FAM193B: variants seen among roughly 807,000 people sequenced by gnomAD.
FAM193B encodes the protein family with sequence similarity 193 member B.
FAM193B carries 27 observed loss-of-function variants against 70.7 expected under a neutral mutation model. The observed-to-expected ratio is 0.38, with a 90% CI of 0.28 to 0.53. FAM193B has a LOEUF of 0.53. Ranked by LOEUF, FAM193B falls within the 20% of genes least tolerant of loss-of-function variation. The pLI, the probability that FAM193B is intolerant of heterozygous loss-of-function variation, is 0.81. For synonymous variants in FAM193B, 448 were observed against 436.0 expected (o/e 1.03, Z -0.34); for missense variants, 1,022 against 1,072.5 (o/e 0.95, Z 0.66).
intron 1 of FAM193B, among the ~76,000 whole-genome samples, chr5:177,543,571 C>T (rs1458130109): frequency 9.9e-5 from 15 of 152,216 alleles, no homozygotes. Flanking sequence ...AGGTATGATG[C>T]CTTGTGGAAC....
Position 177,532,344 on chromosome 5 carries a change from T to C in FAM193B, c.1275+99A>G, listed in dbSNP as rs1467616452. ...GGACTCACGGCCCCAGCACGGTAAT[T>C]ACCACCGTGAGCAACGGGGTCTCTG... On this transcript the variant is annotated intron_variant, in intron 5 of 8. Coordinates refer to ENST00000514747, the MANE Select transcript of FAM193B (RefSeq NM_001190946.3). This position sits in a 1 kb window ranked among gnomAD's most constrained non-coding sequence, Gnocchi z 4.9. 1 of 1,501,490 alleles carries C rather than the reference T, an allele frequency of 6.7e-7. No individual in the cohort carries two copies. The highest frequency in any genetic ancestry group is 8.9e-7 in the Non-Finnish European group (1 of 1,123,204). 93.0% of individuals were successfully genotyped at this position (1,501,490 alleles called of 1,614,324 possible). A position where few individuals can be genotyped will look rare whatever the true frequency, so the allele number is the denominator to read the frequency against.
intron 1 of FAM193B, among the ~76,000 whole-genome samples, chr5:177,551,000 G>GT (rs1766156118): frequency 8.0e-6 from 1 of 124,600 alleles, no homozygotes; most frequent in Non-Finnish European, 1.8e-5. Context: ...GCTAAGTTTT[G>GT]ATTTTTTTTT....
intron 4 of FAM193B, 140 bp downstream of exon 4, chr5:177,536,218 A>T: frequency 9.9e-7 from 1 of 1,006,916 alleles, no homozygotes; most frequent in South Asian, 1.4e-5. Context: ...AGGCCAAAAC[A>T]CATACTTCTT....
At chr5:177,527,160 G>A (rs1365396522) in intron 5 of FAM193B, among the ~76,000 whole-genome samples, 1 of 152,158 alleles carries the variant, frequency 6.6e-6, no homozygotes. Context: ...GGAATAGCAA[G>A]TGGAAAGGCT....
Position 177,554,561 on chromosome 5 carries a change from T to G in FAM193B, c.-103A>C. On this transcript the variant is annotated 5_prime_UTR_variant, in exon 1 of 9. Transcript: ENST00000514747. ...GCTCCCCTCACAGGACAACAGCCAA[T>G]ATGGCGGCGCCCGGTTCCCCCCCTC... is the stretch of plus-strand genomic sequence containing the variant. 1.5e-6 allele frequency: 1 copy of G among 686,692 alleles called. No individual in the cohort carries two copies. The highest frequency in any genetic ancestry group is 1.8e-6 in the Non-Finnish European group (1 of 559,878). The allele number at this position is 686,692 out of a possible 1,614,324, so 42.5% of individuals were successfully genotyped here.
intron 5 of FAM193B, chr5:177,531,527 G>C (rs773034169): frequency 7.7e-7 from 1 of 1,294,520 alleles, no homozygotes; most frequent in African/African-American, 1.5e-5. Flanking sequence ...GGTGGCTGGG[G>C]GTGGGGGGGA....
Position 177,536,436 on chromosome 5 carries a change from C to T in FAM193B, c.998G>A (p.Cys333Tyr), listed in dbSNP as rs1363275099. 6.3e-7 allele frequency: 1 copy of T among 1,595,864 alleles called. No homozygotes were observed. The highest frequency in any genetic ancestry group is 8.5e-7 in the Non-Finnish European group (1 of 1,174,530). The part of the protein sequence containing the change: ...PPPFSGCSHP[C>Y]SGHCGGHCSG... ...GCAGTGCCCACCACAGTGCCCGCTG[C>T]AGGGGTGGCTGCACCCCGAGAATGG... Residue 333 changes from cysteine to tyrosine, a missense_variant, in exon 4 of 9, where the codon TGC becomes TAC. Coordinates refer to ENST00000514747, the MANE Select transcript of FAM193B (RefSeq NM_001190946.3).
At position 177,554,489 on chromosome 5, in the gene FAM193B, ACGC is replaced by A. The variant is rs1554123264; in HGVS notation, c.-34_-32del. ...CGCTCGCGCCGCTCCCTCGCTCCACACGCCGCCGCCGCCGCCGCCGCCGCCGCC... is the reference window on the plus strand; with the variant it reads ...CGCTCGCGCCGCTCCCTCGCTCCACACGCCGCCGCCGCCGCCGCCGCCGCC... On this transcript the variant is annotated 5_prime_UTR_variant, in exon 1 of 9. Transcript: ENST00000514747. 248 of 605,974 alleles carry A rather than the reference ACGC, an allele frequency of 4.1e-4. No individual in the cohort carries two copies. In the African/African-American group the frequency reaches 5.4e-3, roughly 13 times the overall value. The allele number at this position is 605,974 out of a possible 1,614,324, so 37.5% of individuals were successfully genotyped here.
chr5:177,545,824 C>G (rs1765362668), intron 1 of FAM193B, among the ~76,000 whole-genome samples: 1 of 152,164 alleles, frequency 6.6e-6, no homozygotes, highest in African/African-American at 2.4e-5. Flanking sequence ...CTCATTCATC[C>G]CATGGATTCT....
intron 5 of FAM193B, among the ~76,000 whole-genome samples, chr5:177,530,848 T>C (rs1763342025): frequency 6.6e-6 from 1 of 152,176 alleles, no homozygotes; most frequent in Non-Finnish European, 1.5e-5. Context: ...CAGCCTCTTG[T>C]AAAGCCATTT....
chr5:177,536,583 G>A lies in FAM193B; in HGVS notation c.851C>T (p.Ala284Val). 6.5e-7 allele frequency: 1 copy of A among 1,545,458 alleles called. No homozygotes were observed. Among genetic ancestry groups the A allele is most frequent in the Non-Finnish European group, 8.7e-7 (1 of 1,153,056 alleles). ...CTCTGAAGCCTGGGCAGGGAAAGGTGCTGCCGGGGTGGTGGGCAGCAGGTG... is the reference window on the plus strand; with the variant it reads ...CTCTGAAGCCTGGGCAGGGAAAGGTACTGCCGGGGTGGTGGGCAGCAGGTG... ...HPHLLPTTPA[A>V]PFPAQASECP... Residue 284 changes from alanine to valine, a missense_variant, in exon 4 of 9, where the codon GCA becomes GTA. Physicochemically the swap from Ala to Val is moderately conservative, Grantham distance 64. Coordinates refer to ENST00000514747, the MANE Select transcript of FAM193B (RefSeq NM_001190946.3).
intron 4 of FAM193B, among the ~76,000 whole-genome samples, chr5:177,533,454 G>A (rs1763784989): frequency 6.6e-6 from 1 of 151,940 alleles, no homozygotes. Flanking sequence ...ACAGGCGCCC[G>A]CAACCACGCC....
Position 177,525,116 on chromosome 5 carries a change from C to A in FAM193B, c.1365G>T (p.Arg455Ser). The A allele has an allele frequency of 9.5e-6, 15 of 1,577,166 alleles. No homozygotes were observed. Among genetic ancestry groups the A allele is most frequent in the Non-Finnish European group, 1.2e-5 (14 of 1,162,726 alleles). Residue 455 changes from arginine (R) to serine (S), a missense_variant, in exon 6 of 9, where the codon AGG (arginine) becomes AGT (serine). By Grantham distance (110) the Arg-to-Ser change is moderately radical. Coordinates refer to ENST00000514747, the MANE Select transcript of FAM193B (RefSeq NM_001190946.3). Reference protein sequence around the residue: ...GSREPRPARERLLEWPDRELD... With the variant: ...GSREPRPARESLLEWPDRELD... The stretch of plus-strand genomic sequence containing the variant: ...GTTCCCGGTCGGGCCACTCCAAGAG[C>A]CTCTCCCTGGCAGGCCTTGGCTCCC...
chr5:177,537,689 C>T (rs1042313645), intron 3 of FAM193B, among the ~76,000 whole-genome samples, 184 bp downstream of exon 3: 2 of 152,214 alleles, frequency 1.3e-5, no homozygotes, highest in African/African-American at 2.4e-5. Context: ...TTTTCAAGTT[C>T]AGAGTTGTGG....
chr5:177,538,762 T>A lies in FAM193B; in HGVS notation c.453+143A>T. The stretch of plus-strand genomic sequence containing the variant: ...CCCAAATCTGAACTTGAGCTGCCAA[T>A]GCTGTGCCAGTGCAGCCCAGAAGTC... On this transcript the variant is annotated intron_variant, in intron 2 of 8. Transcript: ENST00000514747. This position sits in a 1 kb window ranked among gnomAD's most constrained non-coding sequence, Gnocchi z 4.1. 1 of 1,119,654 alleles carries A rather than the reference T, an allele frequency of 8.9e-7. No individual in the cohort carries two copies. The highest frequency in any genetic ancestry group is 3.0e-4 in the Middle Eastern group (1 of 3,282). The allele number at this position is 1,119,654 out of a possible 1,614,324, so 69.4% of individuals were successfully genotyped here. A position where few individuals can be genotyped will look rare whatever the true frequency, so the allele number is the denominator to read the frequency against.
chr5:177,536,877 A>G, intron 3 of FAM193B, 132 bp from the exon 4 acceptor site: 1 of 1,233,402 alleles, frequency 8.1e-7, no homozygotes, highest in Non-Finnish European at 1.1e-6. Context: ...GGGACCCTGG[A>G]GCTGCAGAAG....
In FAM193B at chr5:177,524,659, T is replaced by C; in HGVS notation, c.1822A>G (p.Ser608Gly). The change falls in exon 6 of 9, where the codon AGC (serine) becomes GGC (glycine). Residue 608 changes from serine to glycine, a missense_variant. Transcript: ENST00000514747. ...WVKTPKPGYP[S>G]SEEPSSKEVP... The stretch of plus-strand genomic sequence containing the variant: ...TCCTTTGAGCTTGGCTCCTCGGAGC[T>C]GGGGTAGCCCGGCTTGGGTGTCTTG... 1 of 1,612,464 alleles carries C rather than the reference T, an allele frequency of 6.2e-7. No homozygotes were observed. The highest frequency in any genetic ancestry group is 1.1e-5 in the South Asian group (1 of 90,928).
At chr5:177,544,899 A>G (rs186321256) in intron 1 of FAM193B, among the ~76,000 whole-genome samples, 1 of 152,272 alleles carries the variant, frequency 6.6e-6, no homozygotes, top group Non-Finnish European at 1.5e-5. Context: ...TCACTTACAT[A>G]TTTGTGTGAG....
intron 5 of FAM193B, among the ~76,000 whole-genome samples, chr5:177,527,891 T>C (rs771405937): frequency 1.3e-5 from 2 of 151,980 alleles, no homozygotes; most frequent in African/African-American, 2.4e-5. Flanking sequence ...AAGCTGAACT[T>C]TGGATGTGCA....
Sources: allele counts gnomAD v4.1 joint callset (sites outside exome capture counted in the v4.1 genomes callset), GRCh38; gene constraint gnomAD v4.1.1; non-coding constraint Gnocchi (gnomAD v3.1); transcripts MANE v1.5; gene names NCBI Gene and HGNC (gene_info 2026-07-23, HGNC 2026-07-21).